Variants in GALNTL6 observed in about 807,000 individuals in gnomAD.
GALNTL6 encodes polypeptide N-acetylgalactosaminyltransferase like 6, also known as polypeptide N-acetylgalactosaminyltransferase-like 6.
In GALNTL6, 46 loss-of-function variants were observed where a neutral mutation model predicts 73.7. That is an observed-to-expected ratio of 0.62 (90% CI 0.49 to 0.80). The LOEUF (loss-of-function observed/expected upper bound fraction) is 0.80, where lower values mean the gene tolerates loss of function less well. Ranked by LOEUF, GALNTL6 falls within the 30% of genes least tolerant of loss-of-function variation. GALNTL6 has a pLI of 0.00. For synonymous variants in GALNTL6, 259 were observed against 263.7 expected, an observed-to-expected ratio of 0.98 and a Z score of 0.17; for missense variants, 604 against 755.0, an observed-to-expected ratio of 0.80 and a Z score of 2.34.
intron 3 of GALNTL6, among the ~76,000 whole-genome samples, chr4:172,274,647 G>A (rs1209434948): frequency 1.3e-5 from 2 of 152,164 alleles, no homozygotes; most frequent in African/African-American, 4.8e-5. Context: ...GGCCGAGATG[G>A]CCTTGCTTGG....
At chr4:172,489,004 C>T (rs920556622) in intron 5 of GALNTL6, among the ~76,000 whole-genome samples, 3 of 152,152 alleles carry the variant, frequency 2.0e-5, no homozygotes, top group Non-Finnish European at 4.4e-5. Context: ...ATTACAAATA[C>T]CTGCAAAGAA....
intron 4 of GALNTL6, among the ~76,000 whole-genome samples, chr4:172,347,324 C>T (rs1741783373): frequency 6.6e-6 from 1 of 152,102 alleles, no homozygotes; most frequent in Admixed American, 6.6e-5. Flanking sequence ...ACTCTGAATG[C>T]AATTCCTCTT....
At chr4:172,252,135 A>C (rs1035802107) in intron 3 of GALNTL6, among the ~76,000 whole-genome samples, 4 of 152,152 alleles carry the variant, frequency 2.6e-5, no homozygotes, top group Admixed American at 6.6e-5. Flanking sequence ...TAATTAAGCA[A>C]ATATAAAAAG....
chr4:172,300,337 G>T (rs1445518144), intron 3 of GALNTL6, among the ~76,000 whole-genome samples: 1 of 152,078 alleles, frequency 6.6e-6, no homozygotes, highest in African/African-American at 2.4e-5. Flanking sequence ...TTACCAGTCT[G>T]TGTCTTTTAA....
intron 7 of GALNTL6, among the ~76,000 whole-genome samples, chr4:172,818,414 C>T (rs1741728900): frequency 6.6e-6 from 1 of 152,184 alleles, no homozygotes; most frequent in South Asian, 2.1e-4. Context: ...CAGTCTTCCT[C>T]AGATAGAGCT....
At chr4:172,415,529 G>A (rs903088158) in intron 5 of GALNTL6, among the ~76,000 whole-genome samples, 4 of 152,022 alleles carry the variant, frequency 2.6e-5, no homozygotes, top group East Asian at 3.9e-4. Flanking sequence ...TAACTAAAAC[G>A]TACCCTGTCG....
chr4:172,129,700 A>C (rs1440777588), intron 2 of GALNTL6, among the ~76,000 whole-genome samples: 1 of 152,238 alleles, frequency 6.6e-6, no homozygotes, highest in African/African-American at 2.4e-5. Context: ...CAGAAGAGAC[A>C]TGCCTCACAG....
intron 2 of GALNTL6, among the ~76,000 whole-genome samples, chr4:172,101,410 T>A (rs899827067): frequency 2.0e-5 from 3 of 152,198 alleles, no homozygotes; most frequent in Non-Finnish European, 2.9e-5. Context: ...TGCATTACTG[T>A]TCTAACATTC....
At chr4:172,368,337 C>T (rs535195167) in intron 5 of GALNTL6, among the ~76,000 whole-genome samples, 16 of 152,218 alleles carry the variant, frequency 1.1e-4, no homozygotes, top group Admixed American at 2.0e-4. Flanking sequence ...GCTGAGATCA[C>T]GCCATTGCAC....
intron 5 of GALNTL6, among the ~76,000 whole-genome samples, chr4:172,467,805 A>ATTTTCT (rs1732877626): frequency 1.7e-5 from 2 of 120,948 alleles, no homozygotes; most frequent in Middle Eastern, 5.6e-3. Context: ...AGCATTTTAC[A>ATTTTCT]TTTTCTTTCT....
intron 3 of GALNTL6, among the ~76,000 whole-genome samples, chr4:172,268,765 G>T (rs980040856): frequency 2.0e-5 from 3 of 152,084 alleles, no homozygotes; most frequent in African/African-American, 7.2e-5. Context: ...TAGAAGAAAA[G>T]GAAGAAACAG....
At chr4:171,946,183 G>A (rs1218591988) in intron 2 of GALNTL6, among the ~76,000 whole-genome samples, 1 of 152,122 alleles carries the variant, frequency 6.6e-6, no homozygotes, top group African/African-American at 2.4e-5. Context: ...CTATTTCAAT[G>A]ATTAGAAATT....
chr4:171,818,252 ACT>A (rs1375666619), intron 2 of GALNTL6, among the ~76,000 whole-genome samples: 1 of 151,802 alleles, frequency 6.6e-6, no homozygotes, highest in Non-Finnish European at 1.5e-5. Context: ...GAACAAAACT[ACT>A]ATATCCAGTC....
chr4:171,838,976 G>A (rs954166837), intron 2 of GALNTL6, among the ~76,000 whole-genome samples: 2 of 152,038 alleles, frequency 1.3e-5, no homozygotes, highest in African/African-American at 2.4e-5. Flanking sequence ...CCAGTTTCCC[G>A]GTTTTATACT....
At chr4:172,262,368 T>A (rs1477870013) in intron 3 of GALNTL6, among the ~76,000 whole-genome samples, 1 of 151,470 alleles carries the variant, frequency 6.6e-6, no homozygotes, top group East Asian at 1.9e-4. Flanking sequence ...CTTTTTTTTA[T>A]CATTATATAA....
intron 7 of GALNTL6, among the ~76,000 whole-genome samples, chr4:172,876,064 T>C (rs1745178793): frequency 6.6e-6 from 1 of 152,224 alleles, no homozygotes; most frequent in South Asian, 2.1e-4. Context: ...TTTATGGCTA[T>C]AGTTTGGTTT....
At chr4:171,847,427 T>C (rs1309156257) in intron 2 of GALNTL6, among the ~76,000 whole-genome samples, 4 of 152,204 alleles carry the variant, frequency 2.6e-5, no homozygotes, top group Non-Finnish European at 5.9e-5. Context: ...TAGTTGCTGA[T>C]GATGATTGGG....
intron 5 of GALNTL6, among the ~76,000 whole-genome samples, chr4:172,382,676 C>T (rs909246482): frequency 6.6e-6 from 1 of 152,024 alleles, no homozygotes; most frequent in Admixed American, 6.6e-5. Flanking sequence ...CTTAACAAAA[C>T]GTCATGCAAA....
At chr4:172,646,597 A>G (rs1329488231) in intron 5 of GALNTL6, among the ~76,000 whole-genome samples, 2 of 151,972 alleles carry the variant, frequency 1.3e-5, no homozygotes, top group African/African-American at 4.8e-5. Context: ...TTACTTTTGT[A>G]TAATACAGTA....
Sources: gnomAD v4.1 joint callset for allele counts (sites outside exome capture counted in the v4.1 genomes callset) on GRCh38, gnomAD v4.1.1 for gene constraint, MANE v1.5 for transcripts, NCBI Gene and HGNC (gene_info 2026-07-23, HGNC 2026-07-21) for gene names.